NID1: variants seen among roughly 807,000 people sequenced by gnomAD.
The protein encoded by NID1 is nidogen-1.
NID1 carries 76 observed loss-of-function variants against 130.6 expected under a neutral mutation model. The ratio of observed to expected loss-of-function variants is 0.58; its 90% confidence interval spans 0.48 to 0.70. The LOEUF (loss-of-function observed/expected upper bound fraction) is 0.70, where lower values mean the gene tolerates loss of function less well. Among genes scored for constraint, NID1 ranks in the 30% least tolerant of loss-of-function variants. NID1 has a pLI of 0.00. For missense variants in NID1, 1,517 were observed against 1,664.8 expected (o/e 0.91, Z 1.54); for synonymous variants, 665 against 675.1 (o/e 0.98, Z 0.23).
chr1:236,039,003 A>ATATATAATATATATTTACATTATAT (rs1490058930), intron 4 of NID1, among the ~76,000 whole-genome samples: 125 of 107,652 alleles, frequency 1.2e-3, no homozygotes, highest in African/African-American at 3.8e-3. Context: ...ATATATGTAA[A>ATATATAATATATATTTACATTATAT]TATATAATAT....
At chr1:236,029,344 C>T (rs915068197) in intron 7 of NID1, among the ~76,000 whole-genome samples, 1 of 152,204 alleles carries the variant, frequency 6.6e-6, no homozygotes, top group Non-Finnish European at 1.5e-5. Flanking sequence ...AACTCTAACT[C>T]ATGCGTATTG....
chr1:236,026,202 T>C (rs1658925898), intron 7 of NID1, 61 bp from the exon 8 acceptor site: 27 of 1,591,424 alleles, frequency 1.7e-5, no homozygotes, highest in Non-Finnish European at 2.3e-5. Context: ...TGGTTAAGGA[T>C]GCAAGAAGCT....
intron 9 of NID1, 115 bp from the exon 10 acceptor site, chr1:236,017,388 TC>T (rs1212919898): frequency 1.6e-6 from 2 of 1,252,196 alleles, no homozygotes; most frequent in Non-Finnish European, 1.1e-6. Context: ...AACAAAATTT[TC>T]TTTTTTTTTT....
intron 1 of NID1, among the ~76,000 whole-genome samples, chr1:236,055,542 C>T (rs1227987457): frequency 6.6e-6 from 1 of 151,818 alleles, no homozygotes; most frequent in Admixed American, 6.6e-5. Flanking sequence ...GTAATTCTAG[C>T]CACTGGGGAG....
intron 11 of NID1, among the ~76,000 whole-genome samples, chr1:236,012,855 C>T (rs1184256594): frequency 6.6e-6 from 1 of 152,162 alleles, no homozygotes; most frequent in Non-Finnish European, 1.5e-5. Context: ...AACCAAGAAA[C>T]TCAGGGTACT....
Position 235,988,267 on chromosome 1 carries a change from G to A in NID1, c.2928+2619C>T, listed in dbSNP as rs181436637. Among the ~76,000 whole-genome samples, 7 of 152,214 alleles carry A rather than the reference G, an allele frequency of 4.6e-5. No homozygotes were observed. In the South Asian group the frequency reaches 6.2e-4, roughly 14 times the overall value. On this transcript the variant is annotated intron_variant, in intron 14 of 19. Coordinates refer to ENST00000264187, the MANE Select transcript of NID1 (RefSeq NM_002508.3). ...ATTTCTCCAAAGAAGATATACAAGC[G>A]GCCAATAAGTACGTGAAAAGATGTT...
intron 12 of NID1, among the ~76,000 whole-genome samples, chr1:235,994,675 TTA>T (rs1354758183): frequency 9.9e-5 from 15 of 151,832 alleles, no homozygotes; most frequent in Non-Finnish European, 1.3e-4. Flanking sequence ...TGTGTCATTT[TTA>T]TCATCTCAAA....
rs2103357673 is a variant in NID1 at position 235,975,887 on chromosome 1, G to C, written c.*1980C>G. 6.6e-6 allele frequency: 1 copy of C among 152,618 alleles called. No individual in the cohort carries two copies. The highest frequency in any genetic ancestry group is 1.9e-4 in the East Asian group (1 of 5,190). 9.5% of individuals were successfully genotyped at this position (152,618 alleles called of 1,614,324 possible). ...CTATTTGTACAGCTGTAAACTCAAG[G>C]AATCATCCAATACTTGTACAAATCT... On this transcript the variant is annotated 3_prime_UTR_variant, in exon 20 of 20. Transcript: ENST00000264187.
rs1572606087 is a variant in NID1 at position 236,029,557 on chromosome 1, G to A, written c.1731C>T (p.Ser577=). Residue 577 remains serine (S), a synonymous_variant, in exon 7 of 20, where the codon TCC becomes TCT. Coordinates refer to ENST00000264187, the MANE Select transcript of NID1 (RefSeq NM_002508.3). The stretch of plus-strand genomic sequence containing the variant: ...GACACAGCTGGGGCTCACCTGAGGT[G>A]GAGTAGTGGTACAGCTCCGTGTAGG... The part of the protein sequence containing the change: ...IEPYTELYHY[S]TSVITSSSTR... The A allele has an allele frequency of 6.4e-7, 1 of 1,559,138 alleles. No homozygotes were observed. The highest frequency in any genetic ancestry group is 8.7e-7 in the Non-Finnish European group (1 of 1,151,702).
intron 1 of NID1, 88 bp downstream of exon 1, chr1:236,064,767 T>C: frequency 7.7e-7 from 1 of 1,300,842 alleles, no homozygotes; most frequent in Non-Finnish European, 1.1e-6. Context: ...GGTCCCCGCC[T>C]GCTACGCCCA....
intron 1 of NID1, among the ~76,000 whole-genome samples, chr1:236,063,938 C>T (rs917740371): frequency 2.0e-5 from 3 of 152,202 alleles, no homozygotes; most frequent in Non-Finnish European, 4.4e-5. Context: ...CCTACAAGTT[C>T]CACGTGAGTG....
At chr1:235,984,084 G>T (rs182828663) in intron 15 of NID1, among the ~76,000 whole-genome samples, 79 of 152,150 alleles carry the variant, frequency 5.2e-4, no homozygotes, top group African/African-American at 1.9e-3. Context: ...CTTTTGCTTG[G>T]AATGCTTCTT....
In NID1 at chr1:236,038,181, C is replaced by T. The variant is rs1659316999; in HGVS notation, c.1208G>A (p.Cys403Tyr). 6.2e-7 allele frequency: 1 copy of T among 1,613,472 alleles called. No homozygotes were observed. The highest frequency in any genetic ancestry group is 8.5e-7 in the Non-Finnish European group (1 of 1,179,488). ...NRHQCSVHAE[C>Y]RDYATGFCCS... is the part of the protein sequence containing the mutation. ...GCAGAAGCCCGTGGCGTAGTCCCTG[C>T]ACTCTGCGTGCACCGAGCACTGGTG... Residue 403 changes from cysteine (C) to tyrosine (Y), a missense_variant, in exon 5 of 20, where the codon TGC (cysteine) becomes TAC (tyrosine). Physicochemically the swap from Cys to Tyr is radical, Grantham distance 194 (BLOSUM62 -2). Around this residue, in one of 3 missense-constraint regions of NID1, gnomAD observed 1,329 missense variants for 1,429.2 expected, o/e 0.93. Coordinates refer to ENST00000264187, the MANE Select transcript of NID1 (RefSeq NM_002508.3).
intron 12 of NID1, among the ~76,000 whole-genome samples, chr1:236,000,291 A>G (rs1017550521): frequency 6.6e-6 from 1 of 152,178 alleles, no homozygotes; most frequent in African/African-American, 2.4e-5. Flanking sequence ...AGAAACATCT[A>G]CAATCTGTTC....
intron 1 of NID1, chr1:236,060,779 A>AG (rs1660017843): frequency 6.6e-6 from 1 of 151,926 alleles, no homozygotes; most frequent in Admixed American, 6.6e-5. Context: ...AAAAAAAAAA[A>AG]AAATCTGTTG....
intron 10 of NID1, among the ~76,000 whole-genome samples, chr1:236,016,166 A>AG (rs2102819268): frequency 6.6e-6 from 1 of 152,266 alleles, no homozygotes; most frequent in African/African-American, 2.4e-5. Flanking sequence ...GAAAAAAAAA[A>AG]AAGAAGTAAC....
In NID1 at chr1:235,979,088, C is replaced by A. The variant is rs199534157; in HGVS notation, c.3529G>T (p.Asp1177Tyr). 1.9e-6 allele frequency: 3 copies of A among 1,613,550 alleles called. No individual in the cohort carries two copies. The highest frequency in any genetic ancestry group is 2.5e-6 in the Non-Finnish European group (3 of 1,179,548). ...TCCGTCTCCTTGGAAATTGCAAGATCGAGAGCAACCACGGAATTCCTACAA... is the reference window on the plus strand; with the variant it reads ...TCCGTCTCCTTGGAAATTGCAAGATAGAGAGCAACCACGGAATTCCTACAA... ...DWKMNSVVAL[D>Y]LAISKETDAF... Residue 1177 changes from aspartate to tyrosine, a missense_variant, in exon 19 of 20, where the codon GAT becomes TAT. By Grantham distance (160) the Asp-to-Tyr change is radical (BLOSUM62 -3). Coordinates refer to ENST00000264187, the MANE Select transcript of NID1 (RefSeq NM_002508.3). The surrounding 1 kb of genome is among the most constrained non-coding windows in gnomAD (Gnocchi z 4.6).
intron 1 of NID1, chr1:236,060,685 C>T (rs772989024): frequency 9.9e-5 from 15 of 151,358 alleles, no homozygotes; most frequent in African/African-American, 3.2e-4. Context: ...GGGGCTTTTC[C>T]GATGGTAGTG....
intron 12 of NID1, among the ~76,000 whole-genome samples, chr1:236,003,794 C>T (rs551352321): frequency 1.1e-4 from 17 of 152,192 alleles, no homozygotes; most frequent in South Asian, 1.0e-3. Flanking sequence ...TGCTTGAACC[C>T]GGGAGGTGGA....
Sources: allele counts gnomAD v4.1 joint callset (sites outside exome capture counted in the v4.1 genomes callset), GRCh38; gene constraint gnomAD v4.1.1; regional missense constraint gnomAD v4.1.1; non-coding constraint Gnocchi (gnomAD v3.1); transcripts MANE v1.5; gene names NCBI Gene and HGNC (gene_info 2026-07-23, HGNC 2026-07-21).